Variants in TMCC1 observed in about 807,000 individuals in gnomAD.
The protein encoded by TMCC1 is transmembrane and coiled-coil domain family 1.
In TMCC1, 15 loss-of-function variants were observed where a neutral mutation model predicts 52.4. The observed-to-expected ratio is 0.29, with a 90% confidence interval of 0.19 to 0.44. The LOEUF (loss-of-function observed/expected upper bound fraction) is 0.44, where lower values mean the gene tolerates loss of function less well. Among genes scored for constraint, TMCC1 ranks in the 20% least tolerant of loss-of-function variants. The pLI is 1.00. For synonymous variants in TMCC1, 279 were observed against 301.9 expected (o/e 0.92, Z 0.79); for missense variants, 503 against 806.0 (o/e 0.62, Z 4.55).
At chr3:129,840,326 CAAAAAAA>C in intron 2 of TMCC1, among the ~76,000 whole-genome samples, 1 of 88,286 alleles carries the variant, frequency 1.1e-5, no homozygotes, top group African/African-American at 5.0e-5. Context: ...GAACCTGTCT[CAAAAAAA>C]AAAAAAAAAA....
intron 2 of TMCC1, among the ~76,000 whole-genome samples, chr3:129,866,379 T>TATA (rs1179417712): frequency 1.9e-4 from 23 of 119,298 alleles, no homozygotes; most frequent in African/African-American, 5.9e-4. Flanking sequence ...TATATATATG[T>TATA]TTTTTTTTTT....
At chr3:129,760,454 C>CTGTGTGTGTGTGTGTGTGTGTGTGTGTG (rs61394124) in intron 4 of TMCC1, among the ~76,000 whole-genome samples, 1 of 128,978 alleles carries the variant, frequency 7.8e-6, no homozygotes, top group Non-Finnish European at 1.6e-5. Context: ...CAGTCTCGCT[C>CTGTGTGTGTGTGTGTGTGTGTGTGTGTG]TGTGTGTGTG....
chr3:129,722,657 C>T (rs1331701888), intron 4 of TMCC1, among the ~76,000 whole-genome samples: 3 of 152,136 alleles, frequency 2.0e-5, no homozygotes, highest in Non-Finnish European at 4.4e-5. Flanking sequence ...TTCTCTTTTA[C>T]TGTTAGTCTC....
intron 4 of TMCC1, among the ~76,000 whole-genome samples, chr3:129,804,880 GA>G (rs1199126424): frequency 1.3e-5 from 2 of 152,098 alleles, no homozygotes; most frequent in Admixed American, 6.5e-5. Flanking sequence ...TCTCCTACCA[GA>G]ATGTTTCCAA....
At chr3:129,656,647 T>C (rs1036707401) in intron 5 of TMCC1, 5 of 152,226 alleles carry the variant, frequency 3.3e-5, no homozygotes, top group East Asian at 1.9e-4. Context: ...TTAAAAGGCA[T>C]TGTCTTACCC....
At position 129,803,722 on chromosome 3, in the gene TMCC1, C is replaced by CAAG. The variant is rs2057315043; in HGVS notation, c.576+24078_576+24080dup. The stretch of plus-strand genomic sequence containing the variant: ...CACACAAACACAAAAGGCTTACTGC[C>CAAG]AAGAATCCTTATAAATGAACAAATA... On this transcript the variant is annotated intron_variant, in intron 4 of 6. Transcript: ENST00000393238. Among the ~76,000 whole-genome samples the CAAG allele has an allele frequency of 2.0e-5, 3 of 152,172 alleles. No homozygotes were observed. In the South Asian group the frequency reaches 6.2e-4, roughly 32 times the overall value.
intron 4 of TMCC1, among the ~76,000 whole-genome samples, chr3:129,760,430 GT>G (rs2053443818): frequency 6.8e-6 from 1 of 147,668 alleles, no homozygotes; most frequent in Non-Finnish European, 1.5e-5. Context: ...GTGTGTGTGT[GT>G]GTGTTTTTGA....
rs571459540 is a variant in TMCC1 at position 129,744,535 on chromosome 3, C to G, written c.577-73271G>C. Among the ~76,000 whole-genome samples, 284 of 152,250 alleles carry G rather than the reference C, an allele frequency of 1.9e-3. 1 individual carries two copies. The highest frequency in any genetic ancestry group is 0.012 in the South Asian group (58 of 4,832). ...TCCTAGGCTCAAGTGATCCTCCCAC[C>G]TCAGCCTCTCAAGCAGCTGGAACTA... On this transcript the variant is annotated intron_variant, in intron 4 of 6. Transcript: ENST00000393238.
intron 4 of TMCC1, among the ~76,000 whole-genome samples, chr3:129,793,763 T>C (rs2056631993): frequency 2.0e-5 from 3 of 152,338 alleles, no homozygotes; most frequent in African/African-American, 7.2e-5. Flanking sequence ...GGAACCTGCT[T>C]TTCATCAGAA....
intron 4 of TMCC1, among the ~76,000 whole-genome samples, chr3:129,693,970 C>G (rs2047209994): frequency 6.6e-6 from 1 of 152,142 alleles, no homozygotes; most frequent in Non-Finnish European, 1.5e-5. Flanking sequence ...TTCTCATTGA[C>G]AAACTACTTT....
chr3:129,658,597 G>A (rs2086821090), intron 5 of TMCC1, among the ~76,000 whole-genome samples: 1 of 152,104 alleles, frequency 6.6e-6, no homozygotes, highest in African/African-American at 2.4e-5. Context: ...TTTTTGTTCA[G>A]ACCCAGTATG....
intron 5 of TMCC1, among the ~76,000 whole-genome samples, chr3:129,663,748 A>C (rs540718235): frequency 2.0e-5 from 3 of 152,294 alleles, no homozygotes; most frequent in African/African-American, 7.2e-5. Flanking sequence ...CAGACTTGGT[A>C]ATGACAGCTT....
chr3:129,817,593 T>C (rs2058162826), intron 4 of TMCC1, among the ~76,000 whole-genome samples: 1 of 152,212 alleles, frequency 6.6e-6, no homozygotes, highest in Non-Finnish European at 1.5e-5. Context: ...TTAGAGACTA[T>C]CCCACATCTT....
Position 129,670,826 on chromosome 3 carries a change from A to C in TMCC1, c.1015T>G (p.Phe339Val). 1 of 1,614,124 alleles carries C rather than the reference A, an allele frequency of 6.2e-7. No homozygotes were observed. The highest frequency in any genetic ancestry group is 8.5e-7 in the Non-Finnish European group (1 of 1,180,016). Reference protein sequence around the residue: ...LKDVGAKVTGFSEGVVDSVKG... With the variant: ...LKDVGAKVTGVSEGVVDSVKG... ...ACACTATCCACCACACCTTCACTGA[A>C]GCCAGTCACCTTTGCTCCTACATCC... Residue 339 changes from phenylalanine (F) to valine (V), a missense_variant, in exon 5 of 7, where the codon TTC becomes GTC. Transcript: ENST00000393238.
intron 4 of TMCC1, among the ~76,000 whole-genome samples, chr3:129,810,538 T>C (rs547223875): frequency 3.3e-5 from 5 of 152,308 alleles, no homozygotes; most frequent in Middle Eastern, 3.4e-3. Context: ...TTTATCTTTA[T>C]GTACAGAAAC....
Position 129,893,693 on chromosome 3 carries a change from G to C in TMCC1, c.-634C>G, listed in dbSNP as rs947041823. The C allele has an allele frequency of 2.0e-5, 3 of 149,944 alleles. No individual in the cohort carries two copies. The highest frequency in any genetic ancestry group is 7.3e-5 in the African/African-American group (3 of 41,066). 9.3% of individuals were successfully genotyped at this position (149,944 alleles called of 1,614,324 possible). On this transcript the variant is annotated 5_prime_UTR_variant, in exon 1 of 7. Transcript: ENST00000393238. ...CCGCCGCCTCAGCCCCGGCGCGGGA[G>C]GGCGAACCGGCGCGAGAGAGCGAGC...
intron 2 of TMCC1, chr3:129,848,250 T>G (rs1033381564): frequency 6.6e-6 from 1 of 152,192 alleles, no homozygotes. Flanking sequence ...GTCACTAAGA[T>G]TTTCTCCTGT....
chr3:129,888,843 T>C (rs2061837757), intron 1 of TMCC1, among the ~76,000 whole-genome samples: 1 of 152,202 alleles, frequency 6.6e-6, no homozygotes, highest in Admixed American at 6.5e-5. Flanking sequence ...TGATAAGTCA[T>C]ACTGGTAGTA....
At chr3:129,771,546 A>G (rs1227962693) in intron 4 of TMCC1, among the ~76,000 whole-genome samples, 2 of 151,950 alleles carry the variant, frequency 1.3e-5, no homozygotes, top group Non-Finnish European at 2.9e-5. Context: ...AGGCGGAGGT[A>G]GGTGGATTGC....
Sources: gnomAD v4.1 joint callset for allele counts (sites outside exome capture counted in the v4.1 genomes callset) on GRCh38, gnomAD v4.1.1 for gene constraint, MANE v1.5 for transcripts, NCBI Gene and HGNC (gene_info 2026-07-23, HGNC 2026-07-21) for gene names.